The following EPHA8 variants were observed in gnomAD, a reference collection of about 807,000 sequenced individuals.
EPHA8 encodes ephrin type-A receptor 8.
Under a neutral mutation model 103.6 loss-of-function variants are expected in EPHA8, and 58 were observed. That is an observed-to-expected ratio of 0.56 (90% CI 0.45 to 0.70). The LOEUF (loss-of-function observed/expected upper bound fraction) is 0.70, where lower values mean the gene tolerates loss of function less well. EPHA8 is among the 30% of genes least tolerant of loss of function. EPHA8 has a pLI of 0.00. For missense variants in EPHA8, 1,304 were observed against 1,395.2 expected, an observed-to-expected ratio of 0.93 and a Z score of 1.04; for synonymous variants, 559 against 572.5, an observed-to-expected ratio of 0.98 and a Z score of 0.34.
chr1:22,597,314 C>T lies in EPHA8; in HGVS notation c.1768C>T (p.Pro590Ser). 6.2e-7 allele frequency: 1 copy of T among 1,601,102 alleles called. No homozygotes were observed. Among genetic ancestry groups the T allele is most frequent in the Non-Finnish European group, 8.5e-7 (1 of 1,171,770 alleles). ...EKMHYQNGQA[P>S]PPVFLPLHHP... ...AAGGCCCTCCTCCCGCCCCTCAGCA[C>T]CCCCACCTGTCTTCCTGCCTCTGCA... is the stretch of plus-strand genomic sequence containing the variant. Residue 590 changes from proline (P) to serine (S), a missense_variant and splice_region_variant, in exon 10 of 17, where the codon CCC (proline) becomes TCC (serine). Pro to Ser is a moderately conservative substitution (Grantham distance 74, BLOSUM62 -1). Coordinates refer to ENST00000166244, the MANE Select transcript of EPHA8 (RefSeq NM_020526.5). This position sits in a 1 kb window ranked among gnomAD's most constrained non-coding sequence, Gnocchi z 4.6.
At chr1:22,588,088 C>T (rs955616625) in intron 4 of EPHA8, among the ~76,000 whole-genome samples, 2 of 152,196 alleles carry the variant, frequency 1.3e-5, no homozygotes, top group Non-Finnish European at 2.9e-5. Flanking sequence ...TATACCCTTC[C>T]GATGTTAAAA....
At chr1:22,601,555 C>T in intron 16 of EPHA8, 72 bp from the exon 17 acceptor site, 2 of 1,594,052 alleles carry the variant, frequency 1.3e-6, no homozygotes, top group East Asian at 2.3e-5. Flanking sequence ...AGGTCCAGAT[C>T]CATGGCCCTG....
At chr1:22,578,749 T>C (rs1400468351) in intron 3 of EPHA8, among the ~76,000 whole-genome samples, 2 of 142,402 alleles carry the variant, frequency 1.4e-5, no homozygotes, top group Admixed American at 1.4e-4. Context: ...ATGTACGGAT[T>C]TGTGCATGTG....
In EPHA8 at chr1:22,598,844, G is replaced by A. The variant is rs971991308; in HGVS notation, c.2185G>A (p.Asp729Asn). Residue 729 changes from aspartate (D) to asparagine (N), a missense_variant, in exon 13 of 17, where the codon GAC becomes AAC. Asp to Asn is a conservative substitution (Grantham distance 23, BLOSUM62 1). Transcript: ENST00000166244. The surrounding 1 kb of genome is among the most constrained non-coding windows in gnomAD (Gnocchi z 5.1). Reference sequence around the variant, plus strand: ...AAGCCATGTCCCCCTGCAGACCCACGACGGGCAGTTCACCATCATGCAGCT... The same window carrying A: ...AAGCCATGTCCCCCTGCAGACCCACAACGGGCAGTTCACCATCATGCAGCT... ...GSLDTFLRTH[D>N]GQFTIMQLVG... The A allele has an allele frequency of 5.6e-6, 9 of 1,612,020 alleles. No homozygotes were observed. The highest frequency in any genetic ancestry group is 1.6e-4 in the Middle Eastern group (1 of 6,076).
At chr1:22,570,289 C>CACACACATGCACACGTGTGCGTGT (rs564027616) in intron 2 of EPHA8, among the ~76,000 whole-genome samples, 8 of 150,980 alleles carry the variant, frequency 5.3e-5, no homozygotes, top group African/African-American at 9.9e-5. Flanking sequence ...CACGCGCGTA[C>CACACACATGCACACGTGTGCGTGT]ACACACATGC....
At chr1:22,586,439 T>G in intron 3 of EPHA8, 41 bp from the exon 4 acceptor site, 1 of 1,602,128 alleles carries the variant, frequency 6.2e-7, no homozygotes, top group Non-Finnish European at 8.5e-7. Context: ...CCAGCCAGGG[T>G]GGCCCTGCTG....
Position 22,569,468 on chromosome 1 carries a change from G to A in EPHA8, c.159+115G>A. On this transcript the variant is annotated intron_variant, in intron 2 of 16. Transcript: ENST00000166244. This position sits in a 1 kb window ranked among gnomAD's most constrained non-coding sequence, Gnocchi z 4.5. ...AAGCAGAGGCCCAGAGAGGTCAAGGGACTTACCCAAGGGCACACAGCAGTT... is the reference window on the plus strand; with the variant it reads ...AAGCAGAGGCCCAGAGAGGTCAAGGAACTTACCCAAGGGCACACAGCAGTT... 1 of 1,145,562 alleles carries A rather than the reference G, an allele frequency of 8.7e-7. No individual in the cohort carries two copies. Among genetic ancestry groups the A allele is most frequent in the South Asian group, 1.5e-5 (1 of 65,540 alleles). The allele number at this position is 1,145,562 out of a possible 1,614,324, so 71.0% of individuals were successfully genotyped here. A position where few individuals can be genotyped will look rare whatever the true frequency, so the allele number is the denominator to read the frequency against.
At chr1:22,594,510 C>T (rs1011152655) in intron 7 of EPHA8, among the ~76,000 whole-genome samples, 1 of 152,234 alleles carries the variant, frequency 6.6e-6, no homozygotes, top group Non-Finnish European at 1.5e-5. Flanking sequence ...AACAAGTCCT[C>T]GGTGATCCCC....
chr1:22,600,307 G>A, intron 13 of EPHA8, among the ~76,000 whole-genome samples: 1 of 150,802 alleles, frequency 6.6e-6, no homozygotes, highest in East Asian at 2.0e-4. Flanking sequence ...AAGGGAAGAG[G>A]AAAAGAAGGG....
In EPHA8 at chr1:22,595,336, G is replaced by A; in HGVS notation, c.1697+13G>A. ...TCTGCAAGAAGAGGTGGGTGGTCTG[G>A]CCCAGCCACACCCAGCCCCTCCTCT... On this transcript the variant is annotated intron_variant, in intron 8 of 16. Coordinates refer to ENST00000166244, the MANE Select transcript of EPHA8 (RefSeq NM_020526.5). 1.9e-6 allele frequency: 3 copies of A among 1,597,258 alleles called. No individual in the cohort carries two copies. Among genetic ancestry groups the A allele is most frequent in the Non-Finnish European group, 2.6e-6 (3 of 1,173,370 alleles).
At position 22,601,534 on chromosome 1, in the gene EPHA8, G is replaced by T. The variant is rs996005171; in HGVS notation, c.2903+61G>T. 15 of 1,599,004 alleles carry T rather than the reference G, an allele frequency of 9.4e-6. No individual in the cohort carries two copies. In the South Asian group the frequency reaches 1.6e-4, roughly 17 times the overall value. On this transcript the variant is annotated intron_variant, in intron 16 of 16. Transcript: ENST00000166244. ...GGGGGCAGGGGGGGGGACCCCTGCC[G>T]GGGAGGCTACAGGTCCAGATCCATG... is the stretch of plus-strand genomic sequence containing the variant.
chr1:22,565,939 G>T (rs991792852), intron 1 of EPHA8, among the ~76,000 whole-genome samples: 2 of 152,202 alleles, frequency 1.3e-5, no homozygotes, highest in African/African-American at 4.8e-5. Flanking sequence ...TCCATGTGGC[G>T]CATCTGGGAG....
intron 3 of EPHA8, among the ~76,000 whole-genome samples, chr1:22,585,052 C>CGCGTGCGCGT (rs147149954): frequency 3.5e-5 from 5 of 144,472 alleles, no homozygotes; most frequent in Admixed American, 2.1e-4. Context: ...TGTGTGTGTG[C>CGCGTGCGCGT]GCACGCGTGT....
At position 22,579,059 on chromosome 1, in the gene EPHA8, A is replaced by T. The variant is rs111161989; in HGVS notation, c.823+2179A>T. Among the ~76,000 whole-genome samples, 1,014 of 139,488 alleles carry T rather than the reference A, an allele frequency of 7.3e-3. 13 individuals are homozygous for T. The highest frequency in any genetic ancestry group is 0.026 in the African/African-American group (974 of 36,910). The allele number at this position is 139,488 out of a possible 152,430, so 91.5% of individuals were successfully genotyped here. On this transcript the variant is annotated intron_variant, in intron 3 of 16. Coordinates refer to ENST00000166244, the MANE Select transcript of EPHA8 (RefSeq NM_020526.5). ...TGCATGTGTGTGCATTTGTGCATGT[A>T]TGTATGCATGTGTGTGCATGTGTAC...
At chr1:22,579,200 C>G (rs1161886038) in intron 3 of EPHA8, among the ~76,000 whole-genome samples, 1 of 127,124 alleles carries the variant, frequency 7.9e-6, no homozygotes, top group Admixed American at 7.8e-5. Flanking sequence ...TATATGTGTA[C>G]CTGTGTGCAT....
chr1:22,570,237 AAC>A (rs1239477463), intron 2 of EPHA8, among the ~76,000 whole-genome samples: 4 of 152,196 alleles, frequency 2.6e-5, no homozygotes, highest in African/African-American at 9.6e-5. Flanking sequence ...CGTGCTCAGA[AAC>A]ACACACATGC....
At chr1:22,575,366 A>T (rs1569960234) in intron 2 of EPHA8, among the ~76,000 whole-genome samples, 1 of 152,206 alleles carries the variant, frequency 6.6e-6, no homozygotes, top group East Asian at 2.0e-4. Flanking sequence ...TTCATGCACC[A>T]TTTGGCCATC....
chr1:22,579,451 T>C (rs1259600713), intron 3 of EPHA8, among the ~76,000 whole-genome samples: 1 of 151,864 alleles, frequency 6.6e-6, no homozygotes, highest in East Asian at 1.9e-4. Flanking sequence ...CATGAGTGTA[T>C]GTGTGCATGC....
At position 22,576,538 on chromosome 1, in the gene EPHA8, G is replaced by T. The variant is rs1451737171; in HGVS notation, c.481G>T (p.Val161Leu). ...DESFTGADLG[V>L]RRLKLNTEVR... ...GAGCTTCACAGGTGCCGACCTTGGT[G>T]TGCGGCGTCTCAAGCTCAACACGGA... Residue 161 changes from valine (V) to leucine (L), a missense_variant, in exon 3 of 17, where the codon GTG becomes TTG. Val to Leu is a conservative substitution (Grantham distance 32). Coordinates refer to ENST00000166244, the MANE Select transcript of EPHA8 (RefSeq NM_020526.5). The surrounding 1 kb of genome is among the most constrained non-coding windows in gnomAD (Gnocchi z 4.8). 1 of 1,614,180 alleles carries T rather than the reference G, an allele frequency of 6.2e-7. No individual in the cohort carries two copies. Among genetic ancestry groups the T allele is most frequent in the East Asian group, 2.2e-5 (1 of 44,890 alleles).
Sources: allele counts gnomAD v4.1 joint callset (sites outside exome capture counted in the v4.1 genomes callset), GRCh38; gene constraint gnomAD v4.1.1; non-coding constraint Gnocchi (gnomAD v3.1); transcripts MANE v1.5; gene names NCBI Gene and HGNC (gene_info 2026-07-23, HGNC 2026-07-21).